Variants in NLRC3 observed in about 807,000 individuals in gnomAD.
NLRC3 encodes NLR family CARD domain-containing protein 3.
In NLRC3, 87 loss-of-function variants were observed where a neutral mutation model predicts 91.6. The observed-to-expected ratio is 0.95, with a 90% CI of 0.80 to 1.14. The LOEUF (loss-of-function observed/expected upper bound fraction) is 1.14. Among genes scored for constraint, NLRC3 ranks in the 50% most tolerant of loss-of-function variants. NLRC3 has a pLI of 0.00. For synonymous variants in NLRC3, 694 were observed against 625.3 expected, an observed-to-expected ratio of 1.11 and a Z score of -1.64; for missense variants, 1,577 against 1,418.6, an observed-to-expected ratio of 1.11 and a Z score of -1.79.
intron 10 of NLRC3, among the ~76,000 whole-genome samples, chr16:3,550,820 T>G (rs1277981043): frequency 6.6e-6 from 1 of 152,206 alleles, no homozygotes; most frequent in African/African-American, 2.4e-5. Flanking sequence ...ACAGTAAATG[T>G]GAGCCCGAGA....
At chr16:3,568,286 G>A (rs1277048700) in intron 1 of NLRC3, among the ~76,000 whole-genome samples, 5 of 152,202 alleles carry the variant, frequency 3.3e-5, no homozygotes, top group Non-Finnish European at 5.9e-5. Context: ...TAAGGAGTGC[G>A]ATCAATTTGA....
chr16:3,553,155 G>T (rs1040452361), intron 9 of NLRC3, among the ~76,000 whole-genome samples: 4 of 152,184 alleles, frequency 2.6e-5, no homozygotes, highest in African/African-American at 9.7e-5. Context: ...AAAGGAAAGA[G>T]ACTCCTTACC....
chr16:3,563,972 A>AG lies in NLRC3; in HGVS notation c.964dup (p.Leu322ProfsTer48). 6.2e-7 allele frequency: 1 copy of AG among 1,604,140 alleles called. No homozygotes were observed. The highest frequency in any genetic ancestry group is 8.5e-7 in the Non-Finnish European group (1 of 1,178,002). On this transcript the variant is annotated frameshift_variant, in exon 5 of 20. Coordinates refer to ENST00000359128, the MANE Select transcript of NLRC3 (RefSeq NM_178844.4). LOFTEE classifies it high-confidence loss of function. ...GGCTGGGACGGTGCACATCAGGTAC[A>AG]GGGCCCTGTCAGCCTGCACTTGGCT...
At chr16:3,562,462 G>A (rs2039654344) in intron 5 of NLRC3, among the ~76,000 whole-genome samples, 1 of 152,122 alleles carries the variant, frequency 6.6e-6, no homozygotes, top group Non-Finnish European at 1.5e-5. Context: ...CCAACATGGT[G>A]AAACCCCGTC....
In NLRC3 at chr16:3,564,783, G is replaced by A. The variant is rs758520886; in HGVS notation, c.179-25C>T. On this transcript the variant is annotated intron_variant, in intron 4 of 19. Transcript: ENST00000359128. The surrounding 1 kb of genome is among the most constrained non-coding windows in gnomAD (Gnocchi z 5.9). ...TCTGCGGGACAGAGGCCAGTGGGGA[G>A]GTCTGGTAAGGGAAGAGTGGGCACA... The A allele has an allele frequency of 4.5e-6, 7 of 1,565,554 alleles. No homozygotes were observed. The highest frequency in any genetic ancestry group is 1.7e-4 in the Middle Eastern group (1 of 5,924).
chr16:3,548,672 A>G lies in NLRC3; in HGVS notation c.2685T>C (p.Leu895=). ...AGGGTGGAGAGCTGCAGACTCACTG[A>G]AGGGAGGTGAGGGTGCGGTTTTCTC... The part of the protein sequence containing the change: ...AVRENRTLTS[L]HLQWNFIQAG... Residue 895 remains leucine, a splice_region_variant and synonymous_variant, in exon 14 of 20, where the codon CTT becomes CTC. Transcript: ENST00000359128. 6.3e-7 allele frequency: 1 copy of G among 1,579,846 alleles called. No individual in the cohort carries two copies. Among genetic ancestry groups the G allele is most frequent in the South Asian group, 1.2e-5 (1 of 86,230 alleles).
At chr16:3,546,657 G>C (rs1192881997) in intron 15 of NLRC3, among the ~76,000 whole-genome samples, 1 of 152,208 alleles carries the variant, frequency 6.6e-6, no homozygotes, top group Non-Finnish European at 1.5e-5. Context: ...GGGGAGCCAA[G>C]AAGCAGGTTT....
chr16:3,570,314 C>G (rs2040054631), intron 1 of NLRC3, among the ~76,000 whole-genome samples: 1 of 152,130 alleles, frequency 6.6e-6, no homozygotes, highest in Non-Finnish European at 1.5e-5. Flanking sequence ...TAGCAAATTA[C>G]TTTTTAGCAT....
At chr16:3,557,543 A>C in intron 7 of NLRC3, 50 bp downstream of exon 7, 3 of 1,212,916 alleles carry the variant, frequency 2.5e-6, no homozygotes, top group Admixed American at 1.8e-5. Context: ...ATGCCTCACA[A>C]CTCTTCTGGT....
chr16:3,547,462 A>G (rs1163113891), intron 15 of NLRC3, among the ~76,000 whole-genome samples: 1 of 149,360 alleles, frequency 6.7e-6, no homozygotes, highest in Non-Finnish European at 1.5e-5. Flanking sequence ...AATGTTGTAA[A>G]ATTGATTGTG....
intron 15 of NLRC3, 131 bp downstream of exon 15, chr16:3,548,004 T>A: frequency 1.6e-6 from 1 of 644,656 alleles, no homozygotes; most frequent in Non-Finnish European, 2.7e-6. Context: ...GACTGAAACA[T>A]GCCAGCTGGC....
intron 16 of NLRC3, 51 bp downstream of exon 16, chr16:3,544,195 A>G: frequency 8.9e-7 from 1 of 1,118,640 alleles, no homozygotes; most frequent in Non-Finnish European, 1.4e-6. Flanking sequence ...CTAACGTGAA[A>G]GGATGGCGAA....
Position 3,564,047 on chromosome 16 carries a change from C to T in NLRC3, c.890G>A (p.Cys297Tyr). The T allele has an allele frequency of 1.2e-6, 2 of 1,612,522 alleles. No homozygotes were observed. The highest frequency in any genetic ancestry group is 1.7e-6 in the Non-Finnish European group (2 of 1,179,896). The change falls in exon 5 of 20, where the codon TGT (cysteine) becomes TAT (tyrosine). Residue 297 changes from cysteine to tyrosine, a missense_variant. By Grantham distance (194) the Cys-to-Tyr change is radical (BLOSUM62 -2). Transcript: ENST00000359128. The surrounding 1 kb of genome is among the most constrained non-coding windows in gnomAD (Gnocchi z 5.9). ...GTCCTCGGGGAACATCTGCTCCAAA[C>T]ACACCTTGATCTCCTCCTCGTTAAA... ...RGFNEEEIKV[C>Y]LEQMFPEDQA... is the part of the protein sequence containing the mutation.
chr16:3,557,740 A>G (rs2039413201), intron 6 of NLRC3, 64 bp from the exon 7 acceptor site: 1 of 1,017,020 alleles, frequency 9.8e-7, no homozygotes, highest in East Asian at 2.5e-5. Flanking sequence ...CTCTTCCTCA[A>G]CGCTGTGCCC....
At position 3,564,669 on chromosome 16, in the gene NLRC3, G is replaced by C; in HGVS notation, c.268C>G (p.Leu90Val). The change falls in exon 5 of 20, where the codon CTC becomes GTC. Residue 90 changes from leucine (L) to valine (V), a missense_variant. By Grantham distance (32) the Leu-to-Val change is conservative (BLOSUM62 1). Transcript: ENST00000359128. This position sits in a 1 kb window ranked among gnomAD's most constrained non-coding sequence, Gnocchi z 5.9. The stretch of plus-strand genomic sequence containing the variant: ...TCCGTCAGGCCCTCCACCAGCAGGA[G>C]GGAGGCCAGCCTGTGCCAGGGTCCG... Reference protein sequence around the residue: ...LGGPWHRLASLLLVEGLTDLQ... With the variant: ...LGGPWHRLASVLLVEGLTDLQ... 6.2e-7 allele frequency: 1 copy of C among 1,604,618 alleles called. No individual in the cohort carries two copies. The highest frequency in any genetic ancestry group is 1.1e-5 in the South Asian group (1 of 90,982).
intron 15 of NLRC3, among the ~76,000 whole-genome samples, chr16:3,546,127 G>T (rs2038677102): frequency 6.6e-6 from 1 of 152,192 alleles, no homozygotes; most frequent in Non-Finnish European, 1.5e-5. Context: ...GGTAGGCACA[G>T]TGCCTCACAC....
chr16:3,564,950 C>G lies in NLRC3; in HGVS notation c.87G>C (p.Met29Ile). 3.7e-6 allele frequency: 6 copies of G among 1,610,900 alleles called. No homozygotes were observed. The highest frequency in any genetic ancestry group is 2.2e-5 in the East Asian group (1 of 44,866). The change falls in exon 4 of 20, where the codon ATG becomes ATC. Residue 29 changes from methionine to isoleucine, a missense_variant. Transcript: ENST00000359128. The surrounding 1 kb of genome is among the most constrained non-coding windows in gnomAD (Gnocchi z 5.9). ...GSPAEQVKAL[M>I]DLLAGKGSQG... ...GACTGCCCTTCCCAGCCAGCAGATC[C>G]ATGAGGGCTTTCACCTGCTCGGCTG...
chr16:3,545,304 G>C (rs2038635383), intron 15 of NLRC3: 1 of 151,978 alleles, frequency 6.6e-6, no homozygotes, highest in Non-Finnish European at 1.5e-5. Context: ...AAATTAGGCT[G>C]GGTGGGTGTA....
At chr16:3,553,597 C>T (rs576005360) in intron 9 of NLRC3, among the ~76,000 whole-genome samples, 1 of 152,222 alleles carries the variant, frequency 6.6e-6, no homozygotes, top group African/African-American at 2.4e-5. Flanking sequence ...TCTTTACAGT[C>T]TCATTGGTGG....
Sources: gnomAD v4.1 joint callset for allele counts (sites outside exome capture counted in the v4.1 genomes callset) on GRCh38, gnomAD v4.1.1 for gene constraint, Gnocchi (gnomAD v3.1) non-coding constraint, MANE v1.5 for transcripts, NCBI Gene and HGNC (gene_info 2026-07-23, HGNC 2026-07-21) for gene names.